NIBAN1: variants seen among roughly 807,000 people sequenced by gnomAD.
NIBAN1 encodes the protein protein Niban 1.
Under a neutral mutation model 75.1 loss-of-function variants are expected in NIBAN1, and 81 were observed. That is an observed-to-expected ratio of 1.08 (90% CI 0.90 to 1.30). The LOEUF (loss-of-function observed/expected upper bound fraction) is 1.30, where lower values mean the gene tolerates loss of function less well. Ranked by LOEUF, NIBAN1 falls within the 50% of genes most tolerant of loss-of-function variation. The pLI is 0.00. For missense variants in NIBAN1, 1,133 were observed against 1,128.1 expected, an observed-to-expected ratio of 1.00 and a Z score of -0.06; for synonymous variants, 436 against 424.8, an observed-to-expected ratio of 1.03 and a Z score of -0.32.
At chr1:184,961,057 CTTTTTTTTTTTTTT>C (rs1168955438) in intron 1 of NIBAN1, among the ~76,000 whole-genome samples, 2 of 57,810 alleles carry the variant, frequency 3.5e-5, no homozygotes, top group African/African-American at 9.5e-5. Context: ...ATATGCCGTT[CTTTTTTTTTTTTTT>C]TTTTTTTTTT....
chr1:184,967,392 A>T (rs1486025116), intron 1 of NIBAN1, among the ~76,000 whole-genome samples: 2 of 152,132 alleles, frequency 1.3e-5, no homozygotes, highest in Non-Finnish European at 2.9e-5. Flanking sequence ...GCAAATTGTT[A>T]TATGTACCTT....
intron 1 of NIBAN1, among the ~76,000 whole-genome samples, chr1:184,931,436 C>T (rs1023558936): frequency 6.6e-6 from 1 of 152,166 alleles, no homozygotes; most frequent in Non-Finnish European, 1.5e-5. Context: ...GTCGCTTTAG[C>T]TAAGATTTAC....
chr1:184,932,986 A>C (rs1557920077), intron 1 of NIBAN1, among the ~76,000 whole-genome samples: 1 of 152,236 alleles, frequency 6.6e-6, no homozygotes, highest in Non-Finnish European at 1.5e-5. Context: ...AAGCATAACA[A>C]AAATCTCCTC....
intron 5 of NIBAN1, among the ~76,000 whole-genome samples, chr1:184,838,049 G>C (rs1236063029): frequency 1.3e-5 from 2 of 152,064 alleles, no homozygotes; most frequent in Admixed American, 6.6e-5. Flanking sequence ...CAAGTCAAAG[G>C]ATACTTTCTT....
At chr1:184,869,804 C>T (rs558968525) in intron 5 of NIBAN1, among the ~76,000 whole-genome samples, 14 of 152,236 alleles carry the variant, frequency 9.2e-5, no homozygotes, top group South Asian at 4.1e-4. Flanking sequence ...GGCCTCCCAA[C>T]GTGCTAGGAT....
intron 1 of NIBAN1, among the ~76,000 whole-genome samples, chr1:184,916,007 G>A (rs925311716): frequency 4.6e-5 from 7 of 152,160 alleles, no homozygotes; most frequent in South Asian, 2.1e-4. Context: ...AGAAGTCCAC[G>A]AACATTCCCA....
rs77677433 is a variant in NIBAN1 at position 184,840,119 on chromosome 1, G to A, written c.602-8157C>T. Among the ~76,000 whole-genome samples, 505 of 152,222 alleles carry A rather than the reference G, an allele frequency of 3.3e-3. 8 individuals are homozygous for A. In the East Asian group the frequency reaches 0.039, roughly 12 times the overall value. ...AACAATGAATGGTGCTCATTCTAAT[G>A]AAATGGTAATAAAAGTTTTAATTTT... On this transcript the variant is annotated intron_variant, in intron 5 of 13. Coordinates refer to ENST00000367511, the MANE Select transcript of NIBAN1 (RefSeq NM_052966.4).
At chr1:184,854,025 A>C (rs1303749316) in intron 5 of NIBAN1, among the ~76,000 whole-genome samples, 1 of 152,236 alleles carries the variant, frequency 6.6e-6, no homozygotes, top group Non-Finnish European at 1.5e-5. Flanking sequence ...ATTTAACCCC[A>C]AATATCTGAA....
chr1:184,839,468 G>A (rs1407571612), intron 5 of NIBAN1, among the ~76,000 whole-genome samples: 2 of 151,844 alleles, frequency 1.3e-5, no homozygotes, highest in African/African-American at 2.4e-5. Context: ...CCTATAGTAC[G>A]ATATACCACA....
intron 5 of NIBAN1, among the ~76,000 whole-genome samples, chr1:184,853,108 A>C (rs1211099122): frequency 6.6e-6 from 1 of 152,248 alleles, no homozygotes. Context: ...ATATTACATC[A>C]TTAACTTATA....
In NIBAN1 at chr1:184,794,709, G is replaced by A. The variant is rs1231287624; in HGVS notation, c.*268C>T. The A allele has an allele frequency of 5.6e-6, 3 of 536,932 alleles. No individual in the cohort carries two copies. Among genetic ancestry groups the A allele is most frequent in the Non-Finnish European group, 1.0e-5 (3 of 299,454 alleles). The allele number at this position is 536,932 out of a possible 1,614,324, so 33.3% of individuals were successfully genotyped here. On this transcript the variant is annotated 3_prime_UTR_variant, in exon 14 of 14. Coordinates refer to ENST00000367511, the MANE Select transcript of NIBAN1 (RefSeq NM_052966.4). ...TCCCTGCAATACTATTCCCTCCTCA[G>A]ACATCCTCAGCTCCCTCTCACCCCA...
rs1362196761 is a variant in NIBAN1 at position 184,846,933 on chromosome 1, A to G, written c.602-14971T>C. On this transcript the variant is annotated intron_variant, in intron 5 of 13. Transcript: ENST00000367511. ...AAGGGAAGTTTAGAGAAAAAAGAAT[A>G]AAAAGAAATGAGCAAAGCCTCCAAG... is the stretch of plus-strand genomic sequence containing the variant. 3.9e-5 allele frequency among the ~76,000 whole-genome samples: 3 copies of G among 76,436 alleles called. 1 individual carries two copies. The highest frequency in any genetic ancestry group is 7.6e-5 in the Non-Finnish European group (3 of 39,538). The allele number at this position is 76,436 out of a possible 152,430, so 50.1% of individuals were successfully genotyped here.
intron 1 of NIBAN1, among the ~76,000 whole-genome samples, chr1:184,954,652 G>C (rs1463892405): frequency 6.6e-6 from 1 of 152,128 alleles, no homozygotes; most frequent in African/African-American, 2.4e-5. Flanking sequence ...TGTCATTTTC[G>C]GGATGCTTAT....
intron 5 of NIBAN1, among the ~76,000 whole-genome samples, chr1:184,838,400 A>G (rs1448553583): frequency 6.6e-6 from 1 of 152,194 alleles, no homozygotes; most frequent in Non-Finnish European, 1.5e-5. Context: ...CATTCACCAG[A>G]TCAGGAGTGA....
chr1:184,897,440 T>G (rs570795178), intron 2 of NIBAN1, among the ~76,000 whole-genome samples: 1 of 152,252 alleles, frequency 6.6e-6, no homozygotes, highest in Non-Finnish European at 1.5e-5. Context: ...CGTTTCTTCT[T>G]AGTCCATTTT....
At chr1:184,958,364 T>TCA (rs3035788) in intron 1 of NIBAN1, among the ~76,000 whole-genome samples, 4,480 of 142,644 alleles carry the variant, frequency 0.031, 144 homozygotes, top group African/African-American at 0.085. Context: ...GACAGAGGAG[T>TCA]CACACACACA....
chr1:184,913,121 C>T (rs1008032794), intron 1 of NIBAN1, among the ~76,000 whole-genome samples: 27 of 74,386 alleles, frequency 3.6e-4, no homozygotes, highest in Non-Finnish European at 5.8e-4. Flanking sequence ...TTATATATGC[C>T]TTGCATATCA....
intron 9 of NIBAN1, 114 bp downstream of exon 9, chr1:184,818,524 A>C: frequency 9.4e-7 from 1 of 1,063,440 alleles, no homozygotes; most frequent in Non-Finnish European, 1.3e-6. Context: ...GAAGGGCAGA[A>C]GAATGGAAGG....
chr1:184,971,056 C>T (rs1658923758), intron 1 of NIBAN1, among the ~76,000 whole-genome samples: 1 of 151,682 alleles, frequency 6.6e-6, no homozygotes, highest in Non-Finnish European at 1.5e-5. Context: ...GAGGCCAAGG[C>T]GGGAAGACTG....
Sources: allele counts gnomAD v4.1 joint callset (sites outside exome capture counted in the v4.1 genomes callset), GRCh38; gene constraint gnomAD v4.1.1; transcripts MANE v1.5; gene names NCBI Gene and HGNC (gene_info 2026-07-23, HGNC 2026-07-21).